Variants in AGBL4 observed in about 807,000 individuals in gnomAD.
AGBL4 encodes cytosolic carboxypeptidase 6.
AGBL4 carries 58 observed loss-of-function variants against 66.4 expected under a neutral mutation model. That is an observed-to-expected ratio of 0.87 (90% CI 0.71 to 1.09). The LOEUF is 1.09. Ranked by LOEUF, AGBL4 falls within the 50% of genes least tolerant of loss-of-function variation. The pLI, the probability that AGBL4 is intolerant of heterozygous loss-of-function variation, is 0.00. For missense variants in AGBL4, 579 were observed against 631.0 expected, an observed-to-expected ratio of 0.92 and a Z score of 0.88; for synonymous variants, 234 against 222.9, an observed-to-expected ratio of 1.05 and a Z score of -0.44.
At chr1:49,582,454 G>C (rs546279317) in intron 3 of AGBL4, among the ~76,000 whole-genome samples, 1 of 152,098 alleles carries the variant, frequency 6.6e-6, no homozygotes, top group South Asian at 2.1e-4. Flanking sequence ...TGCTTCACTT[G>C]CAACCCAAAA....
chr1:49,400,407 T>C (rs1645059813), intron 3 of AGBL4, among the ~76,000 whole-genome samples: 1 of 152,110 alleles, frequency 6.6e-6, no homozygotes, highest in Non-Finnish European at 1.5e-5. Context: ...TTTTTTTCTA[T>C]TTCAGTGAAA....
intron 5 of AGBL4, among the ~76,000 whole-genome samples, chr1:48,911,761 T>A (rs1452050546): frequency 6.6e-6 from 1 of 152,196 alleles, no homozygotes; most frequent in African/African-American, 2.4e-5. Context: ...TCCAAATTAT[T>A]ATAGTTCATA....
At chr1:49,697,603 A>G (rs1262822549) in intron 2 of AGBL4, among the ~76,000 whole-genome samples, 166 bp from the exon 3 acceptor site, 1 of 152,174 alleles carries the variant, frequency 6.6e-6, no homozygotes, top group Non-Finnish European at 1.5e-5. Flanking sequence ...TGCAGCCCAG[A>G]GTAAGAAAAG....
chr1:48,569,990 T>C (rs958187776), intron 11 of AGBL4, among the ~76,000 whole-genome samples: 2 of 152,236 alleles, frequency 1.3e-5, no homozygotes, highest in Non-Finnish European at 2.9e-5. Context: ...GGAGATTGTT[T>C]GCCCTTACAA....
At chr1:49,847,096 T>C (rs1163604542) in intron 2 of AGBL4, among the ~76,000 whole-genome samples, 3 of 152,064 alleles carry the variant, frequency 2.0e-5, no homozygotes, top group Non-Finnish European at 4.4e-5. Context: ...TTAACATCAA[T>C]TAAAGAATAG....
At chr1:49,549,444 C>T (rs1429519058) in intron 3 of AGBL4, among the ~76,000 whole-genome samples, 2 of 151,656 alleles carry the variant, frequency 1.3e-5, no homozygotes, top group African/African-American at 4.8e-5. Context: ...CTTGGCACTC[C>T]CTTTGGTGTA....
At chr1:49,033,734 T>A (rs1232340011) in intron 5 of AGBL4, among the ~76,000 whole-genome samples, 1 of 152,114 alleles carries the variant, frequency 6.6e-6, no homozygotes, top group African/African-American at 2.4e-5. Flanking sequence ...CTCTTCCTCC[T>A]TATCCTGGCT....
At chr1:49,042,943 T>C (rs940528591) in intron 5 of AGBL4, among the ~76,000 whole-genome samples, 7 of 152,174 alleles carry the variant, frequency 4.6e-5, no homozygotes, top group African/African-American at 1.7e-4. Context: ...ACATTCATTG[T>C]GCACCTACAT....
At chr1:48,645,486 A>G (rs1327469936) in intron 8 of AGBL4, among the ~76,000 whole-genome samples, 1 of 152,332 alleles carries the variant, frequency 6.6e-6, no homozygotes, top group East Asian at 1.9e-4. Flanking sequence ...ATTTAGGCTG[A>G]GGAGAGCTCA....
intron 4 of AGBL4, among the ~76,000 whole-genome samples, chr1:49,113,508 C>A (rs1482297519): frequency 1.3e-5 from 2 of 152,154 alleles, no homozygotes; most frequent in Non-Finnish European, 2.9e-5. Context: ...CTGCCTCAGC[C>A]TCCCAAAGAG....
intron 4 of AGBL4, among the ~76,000 whole-genome samples, chr1:49,179,019 G>C (rs1203582534): frequency 6.6e-6 from 1 of 152,100 alleles, no homozygotes; most frequent in Non-Finnish European, 1.5e-5. Context: ...AGACTATCCA[G>C]TCATCTTATG....
chr1:49,745,792 G>A (rs1030831081), intron 2 of AGBL4, among the ~76,000 whole-genome samples: 1 of 151,682 alleles, frequency 6.6e-6, no homozygotes, highest in African/African-American at 2.4e-5. Context: ...CAATAATTGA[G>A]ACTTCAATAT....
At chr1:49,035,897 C>T (rs188972771) in intron 5 of AGBL4, among the ~76,000 whole-genome samples, 7 of 152,126 alleles carry the variant, frequency 4.6e-5, no homozygotes, top group African/African-American at 1.7e-4. Flanking sequence ...TTGTCACTTA[C>T]AAATGACCGC....
chr1:49,635,924 G>T (rs1306355331), intron 3 of AGBL4, among the ~76,000 whole-genome samples: 1 of 152,122 alleles, frequency 6.6e-6, no homozygotes, highest in African/African-American at 2.4e-5. Flanking sequence ...TATGTTAATT[G>T]CAGCACTATT....
Position 49,913,892 on chromosome 1 carries a change from C to T in AGBL4, c.35-62374G>A, listed in dbSNP as rs142787908. ...TGCAAGAAGTAGACTCTCAAGGAGG[C>T]CCTGGCAGCAAGCCCATGGAGGGTG... is the stretch of plus-strand genomic sequence containing the variant. On this transcript the variant is annotated intron_variant, in intron 1 of 13. Coordinates refer to ENST00000371839, the MANE Select transcript of AGBL4 (RefSeq NM_032785.4). Among the ~76,000 whole-genome samples, 1,049 of 152,274 alleles carry T rather than the reference C, an allele frequency of 6.9e-3. 11 individuals carry two copies. The highest frequency in any genetic ancestry group is 0.023 in the African/African-American group (976 of 41,556).
chr1:48,772,283 C>A (rs753202365), intron 6 of AGBL4, among the ~76,000 whole-genome samples: 1 of 152,182 alleles, frequency 6.6e-6, no homozygotes, highest in Non-Finnish European at 1.5e-5. Flanking sequence ...CTCTCTTGGG[C>A]GCAGAGGGAG....
At chr1:49,945,085 A>G (rs1655092684) in intron 1 of AGBL4, among the ~76,000 whole-genome samples, 1 of 152,134 alleles carries the variant, frequency 6.6e-6, no homozygotes, top group African/African-American at 2.4e-5. Context: ...GACCAAACCT[A>G]AGAATAATTG....
chr1:49,229,182 G>A (rs1650122518), intron 4 of AGBL4, among the ~76,000 whole-genome samples: 4 of 152,134 alleles, frequency 2.6e-5, no homozygotes, highest in Admixed American at 2.6e-4. Context: ...AAAATTGGCT[G>A]TGCACCTTCC....
At chr1:48,947,803 A>G (rs986434785) in intron 5 of AGBL4, among the ~76,000 whole-genome samples, 6 of 152,040 alleles carry the variant, frequency 3.9e-5, no homozygotes, top group African/African-American at 1.4e-4. Context: ...ATCTCACACT[A>G]AAGTATGAAT....
Sources: gnomAD v4.1 joint callset for allele counts (sites outside exome capture counted in the v4.1 genomes callset) on GRCh38, gnomAD v4.1.1 for gene constraint, MANE v1.5 for transcripts, NCBI Gene and HGNC (gene_info 2026-07-23, HGNC 2026-07-21) for gene names.